Variants in AKR1B10 observed in about 807,000 individuals in gnomAD.
AKR1B10 encodes ARP.
Under a neutral mutation model 38.9 loss-of-function variants are expected in AKR1B10, and 39 were observed. That is an observed-to-expected ratio of 1.00 (90% CI 0.78 to 1.31). The LOEUF is 1.31. AKR1B10 is among the 50% of genes most tolerant of loss of function. The probability of loss-of-function intolerance (pLI) is 0.00; values close to 1 mark genes in which losing one functional copy is unlikely to be tolerated. For missense variants in AKR1B10, 361 were observed against 382.6 expected (o/e 0.94, Z 0.47); for synonymous variants, 148 against 141.2 (o/e 1.05, Z -0.34).
Position 134,536,965 on chromosome 7 carries a change from T to G in AKR1B10, c.553-86T>G, listed in dbSNP as rs1808027587. 1.9e-6 allele frequency: 3 copies of G among 1,569,220 alleles called. No individual in the cohort carries two copies. The East Asian group carries it at 6.8e-5, about 36-fold the overall frequency. ...GGGCAGGTGTTTGGCCTTTGCTTGG[T>G]GGACTTTTTTTGTGTGTAGAACTCC... On this transcript the variant is annotated intron_variant, in intron 5 of 9. Coordinates refer to ENST00000359579, the MANE Select transcript of AKR1B10 (RefSeq NM_020299.5).
chr7:134,539,142 T>C (rs2098554509), intron 9 of AKR1B10, 125 bp downstream of exon 9: 2 of 1,189,380 alleles, frequency 1.7e-6, no homozygotes, highest in Non-Finnish European at 2.4e-6. Context: ...TGGGGCAATT[T>C]TGAAAGTTAA....
chr7:134,535,011 G>C (rs536186449), intron 4 of AKR1B10, among the ~76,000 whole-genome samples: 1 of 151,994 alleles, frequency 6.6e-6, no homozygotes, highest in South Asian at 2.1e-4. Context: ...AATTTAGAGA[G>C]AGTCTCTCTC....
chr7:134,534,069 G>A (rs549956320), intron 4 of AKR1B10, among the ~76,000 whole-genome samples: 1 of 152,288 alleles, frequency 6.6e-6, no homozygotes, highest in East Asian at 1.9e-4. Context: ...TCAATGAAAT[G>A]TAGCTTTTTC....
intron 4 of AKR1B10, 116 bp from the exon 5 acceptor site, chr7:134,536,534 G>A (rs542215358): frequency 1.2e-5 from 18 of 1,467,034 alleles, no homozygotes; most frequent in East Asian, 4.7e-5. Context: ...TGAATGCTTC[G>A]GCTAACCCTG....
chr7:134,535,171 T>A (rs534889513), intron 4 of AKR1B10, among the ~76,000 whole-genome samples: 1 of 152,138 alleles, frequency 6.6e-6, no homozygotes, highest in Non-Finnish European at 1.5e-5. Context: ...AGAGACAGGG[T>A]CTTGCTATGT....
rs980583797 is a variant in AKR1B10 at position 134,541,251 on chromosome 7, T to C, written c.*162T>C. On this transcript the variant is annotated 3_prime_UTR_variant, in exon 10 of 10. Transcript: ENST00000359579. Reference sequence around the variant, plus strand: ...GTGCTGTTTTAGACATTTATTTCTGTATGTTCAACTAGGATCAGAATATCA... The same window carrying C: ...GTGCTGTTTTAGACATTTATTTCTGCATGTTCAACTAGGATCAGAATATCA... 2.5e-5 allele frequency: 14 copies of C among 565,730 alleles called. No individual in the cohort carries two copies. The highest frequency in any genetic ancestry group is 4.0e-5 in the Non-Finnish European group (13 of 326,208). 35.0% of individuals were successfully genotyped at this position (565,730 alleles called of 1,614,324 possible).
intron 3 of AKR1B10, 62 bp from the exon 4 acceptor site, chr7:134,532,942 T>C (rs572360790): frequency 2.0e-4 from 285 of 1,445,870 alleles, no homozygotes; most frequent in Non-Finnish European, 2.4e-4. Context: ...CCTGAAACCT[T>C]GTTGAACAGA....
Position 134,531,979 on chromosome 7 carries a change from G to A in AKR1B10, c.306G>A (p.Leu102=), listed in dbSNP as rs1807870512. 1 of 1,614,012 alleles carries A rather than the reference G, an allele frequency of 6.2e-7. No individual in the cohort carries two copies. ...AFEKTLKDLK[L]SYLDVYLIHW... ...AGAAGACCCTCAAGGACCTGAAGCT[G>A]AGCTATCTGGACGTCTATCTTATTC... Residue 102 remains leucine, a synonymous_variant, in exon 3 of 10, where the codon CTG becomes CTA. Coordinates refer to ENST00000359579, the MANE Select transcript of AKR1B10 (RefSeq NM_020299.5).
At chr7:134,530,529 G>A (rs908746874) in intron 1 of AKR1B10, 114 bp from the exon 2 acceptor site, 21 of 1,110,906 alleles carry the variant, frequency 1.9e-5, no homozygotes, top group African/African-American at 6.2e-5. Context: ...CCAGCTACTC[G>A]GGAGGTGGGA....
rs146468169 is a variant in AKR1B10 at position 134,536,631 on chromosome 7, G to A, written c.430-19G>A. ...TAGTCCCTCTAGAGCTGCCCATAAG[G>A]TATTCCTTTCTATGATAGGCCATGG... On this transcript the variant is annotated intron_variant, in intron 4 of 9. Coordinates refer to ENST00000359579, the MANE Select transcript of AKR1B10 (RefSeq NM_020299.5). 128 of 1,613,512 alleles carry A rather than the reference G, an allele frequency of 7.9e-5. No individual in the cohort carries two copies. In the African/African-American group the frequency reaches 1.5e-3, roughly 19 times the overall value.
intron 4 of AKR1B10, among the ~76,000 whole-genome samples, chr7:134,536,153 C>A (rs771429398): frequency 6.6e-6 from 1 of 152,172 alleles, no homozygotes; most frequent in East Asian, 1.9e-4. Context: ...GGACTCAGGA[C>A]CCACAAGTGA....
intron 4 of AKR1B10, among the ~76,000 whole-genome samples, chr7:134,536,177 G>C (rs1258358707): frequency 6.6e-6 from 1 of 152,214 alleles, no homozygotes; most frequent in Non-Finnish European, 1.5e-5. Context: ...TTCTCCGTAT[G>C]CTGCAGCCTC....
chr7:134,532,620 G>T (rs755222278), intron 3 of AKR1B10, among the ~76,000 whole-genome samples: 16 of 152,148 alleles, frequency 1.1e-4, no homozygotes, highest in African/African-American at 3.9e-4. Flanking sequence ...TCTAGAGGCT[G>T]CAAGGATAGA....
chr7:134,528,706 C>A (rs1159479706), intron 1 of AKR1B10, among the ~76,000 whole-genome samples: 3 of 151,654 alleles, frequency 2.0e-5, no homozygotes, highest in Non-Finnish European at 4.4e-5. Flanking sequence ...GTCTGGGCAA[C>A]AGAGTGAGAT....
intron 3 of AKR1B10, 98 bp from the exon 4 acceptor site, chr7:134,532,906 A>G: frequency 3.1e-6 from 3 of 960,176 alleles, no homozygotes; most frequent in South Asian, 1.5e-5. Context: ...TGGTATGCAG[A>G]TGTGGTATTT....
chr7:134,532,913 A>G (rs528986001), intron 3 of AKR1B10, 91 bp from the exon 4 acceptor site: 4 of 1,077,080 alleles, frequency 3.7e-6, no homozygotes, highest in South Asian at 1.4e-5. Context: ...CAGATGTGGT[A>G]TTTAGCAAGA....
At chr7:134,528,462 C>G (rs1418600796) in intron 1 of AKR1B10, among the ~76,000 whole-genome samples, 1 of 152,094 alleles carries the variant, frequency 6.6e-6, no homozygotes, top group African/African-American at 2.4e-5. Flanking sequence ...GGTGGCTTAT[C>G]CCTGTAATCC....
intron 9 of AKR1B10, among the ~76,000 whole-genome samples, chr7:134,539,809 A>G (rs891720579): frequency 6.6e-6 from 1 of 152,220 alleles, no homozygotes; most frequent in African/African-American, 2.4e-5. Flanking sequence ...TACTTTCTGA[A>G]TAATGTATCT....
chr7:134,540,942 G>A (rs1226244692), intron 9 of AKR1B10, 105 bp from the exon 10 acceptor site: 5 of 836,404 alleles, frequency 6.0e-6, no homozygotes, highest in Non-Finnish European at 9.8e-6. Context: ...GGCTAAGAGA[G>A]CACAAATATG....
Sources: gnomAD v4.1 joint callset for allele counts (sites outside exome capture counted in the v4.1 genomes callset) on GRCh38, gnomAD v4.1.1 for gene constraint, MANE v1.5 for transcripts, NCBI Gene and HGNC (gene_info 2026-07-23, HGNC 2026-07-21) for gene names.